COBLL1: variants seen among roughly 807,000 people sequenced by gnomAD.
The protein encoded by COBLL1 is cordon-bleu protein-like 1.
In COBLL1, 50 loss-of-function variants were observed where a neutral mutation model predicts 94.8. That is an observed-to-expected ratio of 0.53 (90% CI 0.42 to 0.67). The LOEUF is 0.67. COBLL1 is among the 30% of genes least tolerant of loss of function. The pLI, the probability that COBLL1 is intolerant of heterozygous loss-of-function variation, is 0.00. For synonymous variants in COBLL1, 448 were observed against 473.8 expected, an observed-to-expected ratio of 0.95 and a Z score of 0.71; for missense variants, 1,362 against 1,348.7, an observed-to-expected ratio of 1.01 and a Z score of -0.15.
In COBLL1 at chr2:164,665,340, AAG is replaced by A. The variant is rs1396230738; in HGVS notation, n.181+505_181+506del. On this transcript the variant is annotated intron_variant and non_coding_transcript_variant, in intron 2 of 2. Coordinates refer to the COBLL1 transcript ENST00000495084. ...AGCAAGATTCTGTGTCAAAAAAAAAAAGAAAGAAAGAAAGAAAGAAAGAAAGA... is the reference window on the plus strand; with the variant it reads ...AGCAAGATTCTGTGTCAAAAAAAAAAAAAGAAAGAAAGAAAGAAAGAAAGA... Among the ~76,000 whole-genome samples, 21 of 114,136 alleles carry A rather than the reference AAG, an allele frequency of 1.8e-4. 1 individual carries two copies. The highest frequency in any genetic ancestry group is 9.5e-4 in the East Asian group (4 of 4,220). 74.9% of individuals were successfully genotyped at this position (114,136 alleles called of 152,430 possible). A position where few individuals can be genotyped will look rare whatever the true frequency, so the allele number is the denominator to read the frequency against.
chr2:164,837,845 C>T (rs1315057027), intron 2 of COBLL1, among the ~76,000 whole-genome samples: 2 of 152,064 alleles, frequency 1.3e-5, no homozygotes, highest in Non-Finnish European at 2.9e-5. Context: ...CCATAAGATA[C>T]AGAACAACAA....
At position 164,695,368 on chromosome 2, in the gene COBLL1, T is replaced by C. The variant is rs779139359; in HGVS notation, c.2024A>G (p.Asp675Gly). ...IHSEDPLTVK[D>G]PICAHGNDDL... ...ATCATTACCATGTGCACAAATTGGA[T>C]CTTTTACGGTAAGCGGATCTTCTGA... Residue 675 changes from aspartate to glycine, a missense_variant, in exon 12 of 14, where the codon GAT becomes GGT. Coordinates refer to ENST00000652658, the MANE Select transcript of COBLL1 (RefSeq NM_001365672.2). 1 of 1,613,968 alleles carries C rather than the reference T, an allele frequency of 6.2e-7. No individual in the cohort carries two copies. The highest frequency in any genetic ancestry group is 1.1e-5 in the South Asian group (1 of 91,078).
intron 2 of COBLL1, among the ~76,000 whole-genome samples, chr2:164,833,084 C>T (rs1402082719): frequency 1.3e-5 from 2 of 151,220 alleles, no homozygotes; most frequent in Non-Finnish European, 2.9e-5. Context: ...ACAAACCCGG[C>T]ACGGTGGCTC....
chr2:164,716,613 T>C (rs114510452), intron 7 of COBLL1, among the ~76,000 whole-genome samples: 1,644 of 152,218 alleles, frequency 0.011, 29 homozygotes, highest in African/African-American at 0.037. Context: ...ATGGAAAAAA[T>C]AATTTTAGAT....
chr2:164,719,056 G>A (rs1685318282), intron 7 of COBLL1, among the ~76,000 whole-genome samples: 11 of 152,012 alleles, frequency 7.2e-5, no homozygotes, highest in Admixed American at 7.2e-4. Context: ...GCAGCAGCTT[G>A]CCACGTTGAG....
chr2:164,680,497 C>A lies in COBLL1; in HGVS notation c.*5449G>T, dbSNP rs1405049188. ...TCGCTGAGGGAGAACTACCAAGGAG[C>A]ACACAGGGTGAGTTACTCTTTTCCG... On this transcript the variant is annotated 3_prime_UTR_variant, in exon 14 of 14. Transcript: ENST00000652658. 6.6e-6 allele frequency: 1 copy of A among 152,106 alleles called. No individual in the cohort carries two copies. The highest frequency in any genetic ancestry group is 1.9e-4 in the East Asian group (1 of 5,192). The allele number at this position is 152,106 out of a possible 1,614,324, so 9.4% of individuals were successfully genotyped here.
At chr2:164,713,051 G>C (rs553373928) in intron 7 of COBLL1, among the ~76,000 whole-genome samples, 3 of 152,158 alleles carry the variant, frequency 2.0e-5, no homozygotes, top group African/African-American at 7.2e-5. Context: ...GTTATCTTTT[G>C]GTGGGGTGGG....
intron 3 of COBLL1, among the ~76,000 whole-genome samples, chr2:164,736,131 A>C (rs1363219701): frequency 6.6e-6 from 1 of 152,178 alleles, no homozygotes; most frequent in African/African-American, 2.4e-5. Context: ...TTCAGAAATA[A>C]ATAACAATTC....
At chr2:164,674,702 A>G (rs1691306775) in intron 1 of COBLL1, among the ~76,000 whole-genome samples, 2 of 152,216 alleles carry the variant, frequency 1.3e-5, no homozygotes. Context: ...CTCATGGGAA[A>G]AATTGGGTAA....
intron 7 of COBLL1, among the ~76,000 whole-genome samples, chr2:164,720,666 A>G (rs1269228896): frequency 6.6e-6 from 1 of 152,028 alleles, no homozygotes; most frequent in Non-Finnish European, 1.5e-5. Context: ...CCCTGACTTG[A>G]CCCCTGCTTA....
chr2:164,679,821 G>T (rs1028691899), downstream of COBLL1, among the ~76,000 whole-genome samples: 9 of 151,850 alleles, frequency 5.9e-5, no homozygotes, highest in African/African-American at 9.7e-5. Context: ...ATCATTAAGA[G>T]AAATATCTAA....
intron 3 of COBLL1, among the ~76,000 whole-genome samples, chr2:164,742,877 G>A (rs574418557): frequency 6.6e-5 from 10 of 152,070 alleles, no homozygotes; most frequent in South Asian, 6.3e-4. Flanking sequence ...GAGAGCGAGC[G>A]AGCGAGCTAA....
chr2:164,734,385 C>T (rs761748429), intron 3 of COBLL1, among the ~76,000 whole-genome samples: 1 of 152,068 alleles, frequency 6.6e-6, no homozygotes, highest in African/African-American at 2.4e-5. Context: ...AGAAACTAGT[C>T]GGCTAGTGAA....
At chr2:164,789,780 C>T (rs963503671) in intron 2 of COBLL1, among the ~76,000 whole-genome samples, 1 of 152,178 alleles carries the variant, frequency 6.6e-6, no homozygotes, top group Non-Finnish European at 1.5e-5. Flanking sequence ...TCTGCTGTTA[C>T]CCCCTTTAAC....
intron 2 of COBLL1, among the ~76,000 whole-genome samples, chr2:164,773,038 T>G (rs963495020): frequency 3.3e-5 from 3 of 91,592 alleles, no homozygotes; most frequent in African/African-American, 1.8e-4. Flanking sequence ...ATTTTTTAAT[T>G]TAATGCAGGT....
intron 2 of COBLL1, among the ~76,000 whole-genome samples, chr2:164,757,723 GATCACCTGATC>G (rs1456631192): frequency 6.6e-6 from 1 of 151,944 alleles, no homozygotes; most frequent in East Asian, 1.9e-4. Context: ...GAGGTGGTAG[GATCACCTGATC>G]CTGGGAGGTC....
chr2:164,694,722 A>G lies in COBLL1; in HGVS notation c.2670T>C (p.Ala890=). Residue 890 remains alanine (A), a synonymous_variant, in exon 12 of 14, where the codon GCT becomes GCC. Coordinates refer to ENST00000652658, the MANE Select transcript of COBLL1 (RefSeq NM_001365672.2). ...VTSAAAKSVH[A]APNPAPKELT... is the part of the protein sequence containing the mutation. ...GTTCTTTTGGAGCAGGATTAGGGGC[A>G]GCATGGACACTCTTGGCAGCTGCAG... is the stretch of plus-strand genomic sequence containing the variant. 1 of 1,613,874 alleles carries G rather than the reference A, an allele frequency of 6.2e-7. No individual in the cohort carries two copies. The highest frequency in any genetic ancestry group is 8.5e-7 in the Non-Finnish European group (1 of 1,179,952).
intron 2 of COBLL1, among the ~76,000 whole-genome samples, chr2:164,663,107 T>A (rs967860923): frequency 1.3e-5 from 2 of 152,180 alleles, no homozygotes; most frequent in African/African-American, 4.8e-5. Context: ...AAACTTCTAA[T>A]TTCCATTTTG....
intron 9 of COBLL1, among the ~76,000 whole-genome samples, chr2:164,702,334 A>C (rs146304982): frequency 0.042 from 6,326 of 151,766 alleles, 435 homozygotes; most frequent in African/African-American, 0.14. Context: ...GAGGCTGAGG[A>C]GGGCGGATCA....
Sources: allele counts gnomAD v4.1 joint callset (sites outside exome capture counted in the v4.1 genomes callset), GRCh38; gene constraint gnomAD v4.1.1; transcripts MANE v1.5; gene names NCBI Gene and HGNC (gene_info 2026-07-23, HGNC 2026-07-21).